The following PRDM16 variants were observed in gnomAD, a reference collection of about 807,000 sequenced individuals.
PRDM16 encodes the protein histone-lysine N-methyltransferase PRDM16.
A neutral mutation model predicts 110.6 loss-of-function variants in PRDM16; 23 were observed. That is an observed-to-expected ratio of 0.21 (90% CI 0.15 to 0.29). The LOEUF is 0.29. PRDM16 is among the 10% of genes least tolerant of loss of function. PRDM16 has a pLI of 1.00. For synonymous variants in PRDM16, 799 were observed against 781.8 expected (o/e 1.02, Z -0.37); for missense variants, 1,615 against 1,794.3 (o/e 0.90, Z 1.81).
At chr1:3,116,765 C>T (rs1251331770) in intron 1 of PRDM16, among the ~76,000 whole-genome samples, 6 of 152,220 alleles carry the variant, frequency 3.9e-5, no homozygotes, top group Non-Finnish European at 8.8e-5. Flanking sequence ...AGCCCTCACC[C>T]CAGCAGGCCT....
rs1202185043 is a variant in PRDM16 at position 3,394,853 on chromosome 1, T to G, written c.574-1638T>G. Among the ~76,000 whole-genome samples the G allele has an allele frequency of 1.2e-4, 19 of 152,186 alleles. No individual in the cohort carries two copies. In the East Asian group the frequency reaches 1.4e-3, roughly 11 times the overall value. Reference sequence around the variant, plus strand: ...AATGATTCAGCCACTGTGTGATTTTTTTTTTTGATAAGATGATACAAAACT... The same window carrying G: ...AATGATTCAGCCACTGTGTGATTTTGTTTTTTGATAAGATGATACAAAACT... On this transcript the variant is annotated intron_variant, in intron 4 of 16. Transcript: ENST00000270722.
intron 3 of PRDM16, among the ~76,000 whole-genome samples, chr1:3,369,192 C>T (rs1422831078): frequency 6.6e-6 from 1 of 152,120 alleles, no homozygotes; most frequent in Non-Finnish European, 1.5e-5. Context: ...GGAGCGAGCG[C>T]GCTATTGAAC....
chr1:3,133,067 C>T (rs1358535498), intron 1 of PRDM16: 2 of 152,294 alleles, frequency 1.3e-5, no homozygotes, highest in African/African-American at 2.4e-5. Flanking sequence ...GTGCCTCTGA[C>T]TGGGTGGTGG....
chr1:3,227,642 G>A (rs1402013481), intron 2 of PRDM16, among the ~76,000 whole-genome samples: 2 of 152,254 alleles, frequency 1.3e-5, no homozygotes, highest in Non-Finnish European at 2.9e-5. Flanking sequence ...GAGATGTAGG[G>A]CCCGGCTCCG....
In PRDM16 at chr1:3,390,705, G is replaced by A. The variant is rs771398214; in HGVS notation, c.573+5419G>A. Among the ~76,000 whole-genome samples, 8 of 152,142 alleles carry A rather than the reference G, an allele frequency of 5.3e-5. No individual in the cohort carries two copies. Among genetic ancestry groups the A allele is most frequent in the African/African-American group, 1.7e-4 (7 of 41,428 alleles). On this transcript the variant is annotated intron_variant, in intron 4 of 16. Transcript: ENST00000270722. The surrounding 1 kb of genome is among the most constrained non-coding windows in gnomAD (Gnocchi z 5.0). ...TGTCCTGGGCTCTGACCCGGGTCCC[G>A]CGTTTCTGTCTGGGCGTGTGCCCTG...
At chr1:3,221,480 C>T (rs1477183453) in intron 2 of PRDM16, among the ~76,000 whole-genome samples, 3 of 152,248 alleles carry the variant, frequency 2.0e-5, no homozygotes, top group South Asian at 2.1e-4. Flanking sequence ...ACTCTTTGTC[C>T]GGCCTGCACC....
At chr1:3,258,122 GATC>G (rs1640087865) in intron 3 of PRDM16, among the ~76,000 whole-genome samples, 1 of 152,196 alleles carries the variant, frequency 6.6e-6, no homozygotes, top group Non-Finnish European at 1.5e-5. Flanking sequence ...ATCCAAATCA[GATC>G]ATCACAGACC....
intron 2 of PRDM16, chr1:3,207,784 T>A (rs1638787837): frequency 6.6e-6 from 1 of 152,188 alleles, no homozygotes; most frequent in Non-Finnish European, 1.5e-5. Context: ...CTCATCTGAC[T>A]CCAAGGCCGT....
chr1:3,335,338 G>A (rs953958751), intron 3 of PRDM16, among the ~76,000 whole-genome samples: 1 of 152,170 alleles, frequency 6.6e-6, no homozygotes, highest in South Asian at 2.1e-4. Flanking sequence ...GTTATTGACT[G>A]AGGGCTGGGG....
chr1:3,411,751 C>T lies in PRDM16; in HGVS notation c.1554C>T (p.Phe518=), dbSNP rs1405615150. 1.9e-6 allele frequency: 3 copies of T among 1,612,116 alleles called. No individual in the cohort carries two copies. Among genetic ancestry groups the T allele is most frequent in the Non-Finnish European group, 2.5e-6 (3 of 1,179,430 alleles). Residue 518 remains phenylalanine (F), a synonymous_variant, in exon 9 of 17, where the codon TTC becomes TTT. Coordinates refer to ENST00000270722, the MANE Select transcript of PRDM16 (RefSeq NM_022114.4). ...TCACCCCCGGCTTCCCGGGCATCTT[C>T]CCTCCATCCTTGTACCCCCGGCCGC... ...PALTPGFPGI[F]PPSLYPRPPL...
intron 1 of PRDM16, among the ~76,000 whole-genome samples, chr1:3,173,829 C>T (rs1411681133): frequency 3.3e-5 from 5 of 152,224 alleles, no homozygotes; most frequent in South Asian, 2.1e-4. Context: ...TTTATGCTCC[C>T]GGTGCAAAGC....
At chr1:3,348,275 T>C (rs1015286571) in intron 3 of PRDM16, among the ~76,000 whole-genome samples, 3 of 152,338 alleles carry the variant, frequency 2.0e-5, no homozygotes, top group Admixed American at 6.5e-5. Context: ...GCCCATGCCA[T>C]GCAGCCCTCA....
At chr1:3,216,647 A>G (rs1639037049) in intron 2 of PRDM16, among the ~76,000 whole-genome samples, 1 of 152,236 alleles carries the variant, frequency 6.6e-6, no homozygotes, top group Admixed American at 6.5e-5. Flanking sequence ...GGCATCCCAG[A>G]GTCTCCCCAA....
At chr1:3,340,052 G>A (rs1000639180) in intron 3 of PRDM16, among the ~76,000 whole-genome samples, 2 of 152,186 alleles carry the variant, frequency 1.3e-5, no homozygotes, top group African/African-American at 2.4e-5. Context: ...GCGTATGGAC[G>A]GATTCGCTGC....
At chr1:3,233,614 C>A (rs1639469518) in intron 2 of PRDM16, among the ~76,000 whole-genome samples, 1 of 152,226 alleles carries the variant, frequency 6.6e-6, no homozygotes. Flanking sequence ...CTCTGCCCAG[C>A]AGGCCTGCAG....
chr1:3,150,871 G>C (rs868717747), intron 1 of PRDM16, among the ~76,000 whole-genome samples: 1 of 139,838 alleles, frequency 7.2e-6, no homozygotes, highest in Non-Finnish European at 1.5e-5. Flanking sequence ...GGGTGGGGGC[G>C]GGGGGGCTGG....
intron 3 of PRDM16, among the ~76,000 whole-genome samples, chr1:3,315,143 T>TC (rs987573200): frequency 1.3e-5 from 2 of 149,478 alleles, no homozygotes; most frequent in Non-Finnish European, 3.0e-5. Context: ...TCCTCCTTTC[T>TC]CCCCCGCTTC....
At chr1:3,102,051 A>G (rs1048275950) in intron 1 of PRDM16, among the ~76,000 whole-genome samples, 2 of 152,206 alleles carry the variant, frequency 1.3e-5, no homozygotes, top group Non-Finnish European at 2.9e-5. Flanking sequence ...GTCCTGATTT[A>G]CAAAACCAAG....
At chr1:3,302,903 T>C (rs1485510622) in intron 3 of PRDM16, among the ~76,000 whole-genome samples, 1 of 152,152 alleles carries the variant, frequency 6.6e-6, no homozygotes, top group Non-Finnish European at 1.5e-5. Flanking sequence ...TTGGGTGCAC[T>C]TCATGTATTG....
Sources: allele counts gnomAD v4.1 joint callset (sites outside exome capture counted in the v4.1 genomes callset), GRCh38; gene constraint gnomAD v4.1.1; non-coding constraint Gnocchi (gnomAD v3.1); transcripts MANE v1.5; gene names NCBI Gene and HGNC (gene_info 2026-07-23, HGNC 2026-07-21).